Variants in STX8 observed in about 807,000 individuals in gnomAD.
STX8 encodes the protein syntaxin-8.
Under a neutral mutation model 37.5 loss-of-function variants are expected in STX8, and 23 were observed. That is an observed-to-expected ratio of 0.61 (90% CI 0.44 to 0.87). The LOEUF (loss-of-function observed/expected upper bound fraction) is 0.87. Among genes scored for constraint, STX8 ranks in the 40% least tolerant of loss-of-function variants. The pLI is 0.00. For missense variants in STX8, 313 were observed against 284.7 expected, an observed-to-expected ratio of 1.10 and a Z score of -0.71; for synonymous variants, 115 against 99.1, an observed-to-expected ratio of 1.16 and a Z score of -0.95.
chr17:9,479,248 T>C (rs536961553), intron 6 of STX8, among the ~76,000 whole-genome samples: 1 of 152,244 alleles, frequency 6.6e-6, no homozygotes, highest in African/African-American at 2.4e-5. Context: ...GTATACCATA[T>C]ATAGGCCAGG....
chr17:9,330,879 G>A (rs1160760130), intron 7 of STX8, among the ~76,000 whole-genome samples: 1 of 151,312 alleles, frequency 6.6e-6, no homozygotes, highest in East Asian at 1.9e-4. Context: ...CATCTTCAGA[G>A]AACCTTCCTT....
intron 7 of STX8, among the ~76,000 whole-genome samples, chr17:9,255,281 C>A (rs1567756104): frequency 1.4e-5 from 2 of 143,396 alleles, no homozygotes; most frequent in Non-Finnish European, 3.1e-5. Flanking sequence ...AATCCCAGCA[C>A]TTTGGGAGGC....
At chr17:9,391,273 G>A (rs1377099753) in intron 6 of STX8, among the ~76,000 whole-genome samples, 1 of 131,810 alleles carries the variant, frequency 7.6e-6, no homozygotes, top group Non-Finnish European at 1.6e-5. Flanking sequence ...GGCCAACATG[G>A]TGAAACCCTG....
At chr17:9,405,914 T>C (rs1353355658) in intron 6 of STX8, among the ~76,000 whole-genome samples, 1 of 152,210 alleles carries the variant, frequency 6.6e-6, no homozygotes, top group African/African-American at 2.4e-5. Flanking sequence ...TTCCTTTTGC[T>C]TTAAGTTGTC....
chr17:9,336,318 C>T (rs1181532612), intron 7 of STX8, among the ~76,000 whole-genome samples: 1 of 152,130 alleles, frequency 6.6e-6, no homozygotes, highest in African/African-American at 2.4e-5. Context: ...TGCAAAACGA[C>T]CATGCCAGGA....
rs1020819656 is a variant in STX8 at position 9,557,650 on chromosome 17, T to C, written c.118-122A>G. 7 of 806,972 alleles carry C rather than the reference T, an allele frequency of 8.7e-6. 1 individual carries two copies. The highest frequency in any genetic ancestry group is 1.4e-5 in the Non-Finnish European group (7 of 497,268). 50.0% of individuals were successfully genotyped at this position (806,972 alleles called of 1,614,324 possible). A position where few individuals can be genotyped will look rare whatever the true frequency, so the allele number is the denominator to read the frequency against. On this transcript the variant is annotated intron_variant, in intron 2 of 7. Transcript: ENST00000306357. ...CCAAGCAAGGGCTGGAAGAGATAGA[T>C]ACTCAGCCCCTCACGACAAACTCAG...
intron 7 of STX8, among the ~76,000 whole-genome samples, chr17:9,358,872 G>A (rs1183265272): frequency 1.3e-5 from 2 of 152,230 alleles, no homozygotes; most frequent in Admixed American, 6.5e-5. Flanking sequence ...AGGAAACTCC[G>A]GGAGCACCCA....
chr17:9,412,105 G>T (rs1472335380), intron 6 of STX8, among the ~76,000 whole-genome samples: 1 of 152,096 alleles, frequency 6.6e-6, no homozygotes, highest in Non-Finnish European at 1.5e-5. Context: ...GTTGACGGAG[G>T]ATTAAAAAAT....
At chr17:9,330,695 G>A (rs555800440) in intron 7 of STX8, among the ~76,000 whole-genome samples, 1 of 152,190 alleles carries the variant, frequency 6.6e-6, no homozygotes, top group Non-Finnish European at 1.5e-5. Context: ...AGCCTCGTTC[G>A]CACTCGCTCC....
chr17:9,438,801 C>T (rs1429822813), intron 6 of STX8, among the ~76,000 whole-genome samples: 1 of 151,932 alleles, frequency 6.6e-6, no homozygotes, highest in African/African-American at 2.4e-5. Flanking sequence ...GTGGTGGTGG[C>T]GCCTGTAGTC....
chr17:9,429,201 A>T (rs1453667626), intron 6 of STX8, among the ~76,000 whole-genome samples: 2 of 150,708 alleles, frequency 1.3e-5, no homozygotes, highest in East Asian at 1.9e-4. Context: ...AGTTTTTGGA[A>T]TGTTATACTA....
chr17:9,336,624 T>C (rs892244256), intron 7 of STX8, among the ~76,000 whole-genome samples: 4 of 152,130 alleles, frequency 2.6e-5, no homozygotes, highest in Non-Finnish European at 5.9e-5. Flanking sequence ...TTAGTAGAGA[T>C]GGAGTTTCAC....
intron 7 of STX8, among the ~76,000 whole-genome samples, chr17:9,270,876 T>C (rs1156433455): frequency 6.6e-6 from 1 of 152,148 alleles, no homozygotes; most frequent in Non-Finnish European, 1.5e-5. Context: ...ATGAACAGAG[T>C]TGCATTGTAG....
chr17:9,433,706 G>C (rs116635260), intron 6 of STX8, among the ~76,000 whole-genome samples: 6 of 151,964 alleles, frequency 3.9e-5, no homozygotes, highest in Admixed American at 3.3e-4. Flanking sequence ...ATATTAAAAC[G>C]GGGGAAGGGA....
chr17:9,518,635 G>A (rs1470437722), intron 4 of STX8, among the ~76,000 whole-genome samples: 2 of 152,130 alleles, frequency 1.3e-5, no homozygotes, highest in East Asian at 1.9e-4. Context: ...TTGGGAGGCC[G>A]AGGCGGGTAG....
chr17:9,543,558 G>C (rs1048325059), intron 4 of STX8, among the ~76,000 whole-genome samples: 1 of 152,076 alleles, frequency 6.6e-6, no homozygotes, highest in Non-Finnish European at 1.5e-5. Flanking sequence ...ACCCACCTTG[G>C]CCTCCCAAAG....
intron 6 of STX8, among the ~76,000 whole-genome samples, chr17:9,434,892 G>A (rs1281945499): frequency 6.6e-6 from 1 of 152,176 alleles, no homozygotes; most frequent in Non-Finnish European, 1.5e-5. Flanking sequence ...TAACTTTCAG[G>A]TCATTCCCAT....
At chr17:9,282,205 T>C (rs746546155) in intron 7 of STX8, among the ~76,000 whole-genome samples, 89 of 152,242 alleles carry the variant, frequency 5.8e-4, no homozygotes, top group Non-Finnish European at 3.4e-4. Context: ...TGATCTTGGC[T>C]TACTGCAATT....
chr17:9,544,830 A>C (rs1235391171), intron 4 of STX8, among the ~76,000 whole-genome samples: 2 of 151,982 alleles, frequency 1.3e-5, no homozygotes, highest in African/African-American at 4.8e-5. Flanking sequence ...ATCTCTACTA[A>C]AAATACAAAA....
Sources: allele counts gnomAD v4.1 joint callset (sites outside exome capture counted in the v4.1 genomes callset), GRCh38; gene constraint gnomAD v4.1.1; transcripts MANE v1.5; gene names NCBI Gene and HGNC (gene_info 2026-07-23, HGNC 2026-07-21).